MCF2: variants seen among roughly 807,000 people sequenced by gnomAD.
MCF2 encodes proto-oncogene DBL.
Under a neutral mutation model 82.5 loss-of-function variants are expected in MCF2, and 44 were observed. That is an observed-to-expected ratio of 0.53 (90% CI 0.42 to 0.69). MCF2 has a LOEUF of 0.69. Among genes scored for constraint, MCF2 ranks in the 30% least tolerant of loss-of-function variants. MCF2 has a pLI of 0.00. For missense variants in MCF2, 623 were observed against 663.1 expected, an observed-to-expected ratio of 0.94 and a Z score of 0.66; for synonymous variants, 217 against 224.9, an observed-to-expected ratio of 0.96 and a Z score of 0.32.
chrX:139,655,826 C>T (rs748943964), intron 1 of MCF2, among the ~76,000 whole-genome samples: 1 of 111,549 alleles, frequency 9.0e-6, no homozygotes, highest in East Asian at 2.8e-4. Flanking sequence ...AATAAGGCTT[C>T]TTTCTTTCCA....
chrX:139,599,651 A>G (rs753069122), intron 16 of MCF2, among the ~76,000 whole-genome samples: 6 of 111,806 alleles, frequency 5.4e-5, no homozygotes, highest in Non-Finnish European at 1.1e-4. Context: ...AGAAGTAATT[A>G]GATAATAACA....
At chrX:139,655,035 G>A (rs1031347132) in intron 1 of MCF2, among the ~76,000 whole-genome samples, 1 of 111,917 alleles carries the variant, frequency 8.9e-6, no homozygotes, top group South Asian at 3.7e-4. Flanking sequence ...TGCTGTTATG[G>A]TCAATACAGC....
rs148423190 is a variant in MCF2, at chrX:139,632,640, G to A, written c.52-186C>T. Among the ~76,000 whole-genome samples, 478 of 111,551 alleles carry A rather than the reference G, an allele frequency of 4.3e-3. 3 individuals are homozygous for A. Among genetic ancestry groups the A allele is most frequent in the African/African-American group, 0.015 (453 of 30,781 alleles). ...ACATGCAAATAGAAAAATAATGTAA[G>A]GCTCCAGGTCAGATCCTTGCAACAC... is the stretch of plus-strand genomic sequence containing the variant. On this transcript the variant is annotated intron_variant, in intron 1 of 24. Transcript: ENST00000370576.
At chrX:139,657,343 C>G (rs1455333863) in intron 1 of MCF2, among the ~76,000 whole-genome samples, 1 of 112,009 alleles carries the variant, frequency 8.9e-6, no homozygotes, top group Admixed American at 9.5e-5. Flanking sequence ...TTTTAAAGTT[C>G]TAAAATGTGT....
chrX:139,623,839 G>A (rs374792200), intron 6 of MCF2, among the ~76,000 whole-genome samples: 1 of 112,283 alleles, frequency 8.9e-6, no homozygotes, highest in Admixed American at 9.4e-5. Flanking sequence ...GCCTAGTGTG[G>A]ACTGATAAAT....
At chrX:139,624,477 C>T (rs1018952599) in intron 6 of MCF2, among the ~76,000 whole-genome samples, 1 of 106,040 alleles carries the variant, frequency 9.4e-6, no homozygotes, top group African/African-American at 3.5e-5. Context: ...GAGTTTGAGG[C>T]TACAGTAGCT....
At chrX:139,661,763 C>T (rs1934361590) in intron 1 of MCF2, among the ~76,000 whole-genome samples, 1 of 111,207 alleles carries the variant, frequency 9.0e-6, no homozygotes, top group Non-Finnish European at 1.9e-5. Context: ...TAGAGCCAAG[C>T]ACATACAACT....
chrX:139,680,398 C>T (rs999368290), intron 1 of MCF2, among the ~76,000 whole-genome samples: 12 of 112,196 alleles, frequency 1.1e-4, no homozygotes, highest in Non-Finnish European at 1.7e-4. Flanking sequence ...TCTCTTCATC[C>T]GACATTTTGA....
chrX:139,675,391 T>A (rs1934835418), intron 1 of MCF2, among the ~76,000 whole-genome samples: 1 of 112,851 alleles, frequency 8.9e-6, no homozygotes, highest in African/African-American at 3.2e-5. Context: ...CTCTGGTTTT[T>A]AGAATTTTCA....
At chrX:139,670,300 T>C in intron 1 of MCF2, among the ~76,000 whole-genome samples, 1 of 112,006 alleles carries the variant, frequency 8.9e-6, no homozygotes, top group South Asian at 3.8e-4. Context: ...GGGATTATTA[T>C]CTTAAACACA....
chrX:139,602,781 T>G (rs1185003259), intron 15 of MCF2, among the ~76,000 whole-genome samples: 1 of 112,250 alleles, frequency 8.9e-6, no homozygotes, highest in East Asian at 2.8e-4. Context: ...ACCTACTTTT[T>G]GCATAACGAT....
intron 16 of MCF2, among the ~76,000 whole-genome samples, chrX:139,601,972 A>G (rs1930586217): frequency 9.0e-6 from 1 of 111,606 alleles, no homozygotes; most frequent in Non-Finnish European, 1.9e-5. Flanking sequence ...ATTATACCAC[A>G]TGATTCATCT....
In MCF2 at chrX:139,615,022, C is replaced by A. The variant is rs1217259898; in HGVS notation, c.1222G>T (p.Glu408Ter). 27 of 1,207,181 alleles carry A rather than the reference C, an allele frequency of 2.2e-5. No homozygotes were observed. Among genetic ancestry groups the A allele is most frequent in the Non-Finnish European group, 2.8e-5 (25 of 893,307 alleles). Reference sequence around the variant, plus strand: ...TTCTCAAATATACTTCGAATGTTTTCAAGCTTGAGTTGTATAGTCTTCATT... The same window carrying A: ...TTCTCAAATATACTTCGAATGTTTTAAAGCTTGAGTTGTATAGTCTTCATT... Residue 408 changes from glutamate (E) to a stop codon, truncating the protein, a stop_gained, in exon 10 of 25, where the codon GAA becomes TAA. Coordinates refer to ENST00000370576, the Ensembl canonical transcript of MCF2. LOFTEE classifies it high-confidence loss of function.
chrX:139,651,640 C>G, intron 2 of MCF2, 80 bp downstream of exon 2: 1 of 541,619 alleles, frequency 1.8e-6, no homozygotes, highest in East Asian at 3.7e-5. Flanking sequence ...AGAGAGCGAG[C>G]TATTTATATA....
At chrX:139,646,842 A>G (rs1000016410), upstream of MCF2, 1 of 1,190,884 alleles carries the variant, frequency 8.4e-7, no homozygotes, top group Non-Finnish European at 1.1e-6. Context: ...CCTCTGGTAT[A>G]CATCTAAAAT....
intron 1 of MCF2, among the ~76,000 whole-genome samples, chrX:139,670,370 T>C (rs1430586743): frequency 9.0e-6 from 1 of 111,421 alleles, no homozygotes; most frequent in Non-Finnish European, 1.9e-5. Context: ...TCTGCAGGTT[T>C]GTTACATAGG....
intron 21 of MCF2, 60 bp downstream of exon 25, chrX:139,588,300 A>G: frequency 1.1e-6 from 1 of 883,724 alleles, no homozygotes; most frequent in South Asian, 2.3e-5. Context: ...TAATTTAAAA[A>G]TCTGAGTCAA....
In MCF2 at chrX:139,692,100, G is replaced by C. The variant is rs772600032; in HGVS notation, c.-45+16006C>G. On this transcript the variant is annotated intron_variant, in intron 1 of 27. Coordinates refer to the MCF2 transcript ENST00000414978. Reference sequence around the variant, plus strand: ...CCTGCCGCAGGACACTGAGGTCCACGGCGCCGAAGCGGCAGCTTGGGGCAT... The same window carrying C: ...CCTGCCGCAGGACACTGAGGTCCACCGCGCCGAAGCGGCAGCTTGGGGCAT... The C allele has an allele frequency of 5.2e-6, 6 of 1,161,165 alleles. No individual in the cohort carries two copies. In the Admixed American group the frequency reaches 1.3e-4, roughly 25 times the overall value.
chrX:139,595,232 T>G, intron 19 of MCF2, among the ~76,000 whole-genome samples: 1 of 109,103 alleles, frequency 9.2e-6, no homozygotes, highest in Non-Finnish European at 1.9e-5. Context: ...ACTGGGTATA[T>G]ACCCAAAGGA....
Sources: allele counts gnomAD v4.1 joint callset (sites outside exome capture counted in the v4.1 genomes callset), GRCh38; gene constraint gnomAD v4.1.1; transcripts MANE v1.5; gene names NCBI Gene and HGNC (gene_info 2026-07-23, HGNC 2026-07-21).